The following FRMD3 variants were observed in gnomAD, a reference collection of about 807,000 sequenced individuals.
The protein encoded by FRMD3 is FERM domain containing 3, also known as FERM domain-containing protein 3.
A neutral mutation model predicts 70.2 loss-of-function variants in FRMD3; 33 were observed. That is an observed-to-expected ratio of 0.47 (90% CI 0.36 to 0.63). The LOEUF (loss-of-function observed/expected upper bound fraction) is 0.63, where lower values mean the gene tolerates loss of function less well. Ranked by LOEUF, FRMD3 falls within the 20% of genes least tolerant of loss-of-function variation. The pLI is 0.00. For missense variants in FRMD3, 632 were observed against 711.4 expected (o/e 0.89, Z 1.27); for synonymous variants, 279 against 255.9 (o/e 1.09, Z -0.86).
At chr9:83,503,704 A>C (rs1427864125) in intron 1 of FRMD3, among the ~76,000 whole-genome samples, 1 of 152,196 alleles carries the variant, frequency 6.6e-6, no homozygotes, top group Non-Finnish European at 1.5e-5. Context: ...ACCAAGGCAG[A>C]ATCCAAAGGG....
At chr9:83,492,620 C>A (rs543543931) in intron 1 of FRMD3, among the ~76,000 whole-genome samples, 1 of 152,276 alleles carries the variant, frequency 6.6e-6, no homozygotes, top group Non-Finnish European at 1.5e-5. Context: ...GTCTGGCCAC[C>A]GGGGCCTCTG....
rs747089433 is a variant in FRMD3 at position 83,246,043 on chromosome 9, G to A, written c.*1875C>T. 1.0e-4 allele frequency: 101 copies of A among 985,220 alleles called. No individual in the cohort carries two copies. The highest frequency in any genetic ancestry group is 1.2e-4 in the Non-Finnish European group (98 of 829,912). The allele number at this position is 985,220 out of a possible 1,614,324, so 61.0% of individuals were successfully genotyped here. On this transcript the variant is annotated 3_prime_UTR_variant, in exon 14 of 14. Transcript: ENST00000304195. ...ATGGCAAATATATAGTCATTTGCTCGACTGCAGGCTTCACGAACTGAGTTT... is the reference window on the plus strand; with the variant it reads ...ATGGCAAATATATAGTCATTTGCTCAACTGCAGGCTTCACGAACTGAGTTT...
At chr9:83,524,716 C>T (rs1240367615) in intron 1 of FRMD3, among the ~76,000 whole-genome samples, 1 of 152,176 alleles carries the variant, frequency 6.6e-6, no homozygotes, top group Admixed American at 6.5e-5. Context: ...TATAACATCT[C>T]TGTTTAAATC....
intron 1 of FRMD3, among the ~76,000 whole-genome samples, chr9:83,415,510 T>C (rs1018501378): frequency 2.0e-5 from 3 of 148,672 alleles, no homozygotes; most frequent in Non-Finnish European, 4.4e-5. Flanking sequence ...TGGCGCGATC[T>C]CGGCTCACTC....
intron 1 of FRMD3, among the ~76,000 whole-genome samples, chr9:83,447,272 C>A (rs547574281): frequency 6.6e-6 from 1 of 152,208 alleles, no homozygotes; most frequent in African/African-American, 2.4e-5. Flanking sequence ...ATCTGCCCAC[C>A]TCGGCCTCCC....
chr9:83,440,065 G>A (rs1222004111), intron 1 of FRMD3, among the ~76,000 whole-genome samples: 1 of 152,128 alleles, frequency 6.6e-6, no homozygotes, highest in Non-Finnish European at 1.5e-5. Flanking sequence ...AAGAAGTCTT[G>A]GGCATCAGTA....
chr9:83,348,252 C>G (rs1433887926), intron 4 of FRMD3, among the ~76,000 whole-genome samples: 5 of 152,088 alleles, frequency 3.3e-5, no homozygotes, highest in Non-Finnish European at 7.4e-5. Flanking sequence ...TCTCTCTTCT[C>G]TCTCTCTCTC....
chr9:83,328,794 A>C (rs1836128504), intron 6 of FRMD3, among the ~76,000 whole-genome samples: 1 of 152,182 alleles, frequency 6.6e-6, no homozygotes. Context: ...GATGGATGGA[A>C]AGATGCATGG....
intron 1 of FRMD3, among the ~76,000 whole-genome samples, chr9:83,517,494 C>CAAAAAAAAAAAA (rs59178344): frequency 1.5e-5 from 1 of 65,520 alleles, no homozygotes; most frequent in Non-Finnish European, 2.7e-5. Context: ...CCTACCAATC[C>CAAAAAAAAAAAA]AAAAAAAAAA....
intron 13 of FRMD3, among the ~76,000 whole-genome samples, chr9:83,254,399 C>A (rs1279062249): frequency 1.3e-5 from 2 of 151,184 alleles, no homozygotes; most frequent in South Asian, 2.1e-4. Context: ...ATTCCAAATA[C>A]CTTTCACTTA....
intron 1 of FRMD3, among the ~76,000 whole-genome samples, chr9:83,476,330 G>T (rs911123189): frequency 6.7e-6 from 1 of 149,890 alleles, no homozygotes; most frequent in African/African-American, 2.5e-5. Flanking sequence ...GTTGCAGTGA[G>T]CCAAGATCAC....
rs1172360365 is a variant in FRMD3 at position 83,526,121 on chromosome 9, T to TC, written c.147+11963dup. Among the ~76,000 whole-genome samples the TC allele has an allele frequency of 3.9e-5, 6 of 152,158 alleles. No homozygotes were observed. The South Asian group carries it at 8.3e-4, about 21-fold the overall frequency. ...ACCCAAAATGGAACTCATTCTCTGT[T>TC]CCCCCAACCTGCTTCTCCTCTAGTC... On this transcript the variant is annotated intron_variant, in intron 1 of 13. Coordinates refer to ENST00000304195, the MANE Select transcript of FRMD3 (RefSeq NM_174938.6).
chr9:83,343,297 A>G lies in FRMD3; in HGVS notation c.375-10T>C, dbSNP rs201351610. 80 of 1,577,910 alleles carry G rather than the reference A, an allele frequency of 5.1e-5. No homozygotes were observed. The highest frequency in any genetic ancestry group is 6.6e-5 in the Non-Finnish European group (76 of 1,147,108). ...AAGGTATAAAAGGTATCTGCAATAC[A>G]AAAGGAGAAATGGTCACTCTAACTT... On this transcript the variant is annotated splice_polypyrimidine_tract_variant and intron_variant, in intron 4 of 13. Transcript: ENST00000304195.
At chr9:83,269,649 CA>C (rs1763346785) in intron 13 of FRMD3, among the ~76,000 whole-genome samples, 1 of 151,740 alleles carries the variant, frequency 6.6e-6, no homozygotes, top group East Asian at 1.9e-4. Context: ...GCGGAGGTTG[CA>C]GCAAGCCGAG....
intron 13 of FRMD3, among the ~76,000 whole-genome samples, chr9:83,255,075 G>A (rs560079302): frequency 1.1e-4 from 16 of 152,042 alleles, no homozygotes; most frequent in Middle Eastern, 3.4e-3. Context: ...GAGATACAAC[G>A]AAAAAAGTAA....
Position 83,457,326 on chromosome 9 carries a change from A to G in FRMD3, c.148-67618T>C, listed in dbSNP as rs4515625. Among the ~76,000 whole-genome samples, 1,069 of 152,290 alleles carry G rather than the reference A, an allele frequency of 7.0e-3. 12 individuals carry two copies. The highest frequency in any genetic ancestry group is 0.024 in the African/African-American group (1,006 of 41,548). On this transcript the variant is annotated intron_variant, in intron 1 of 13. Transcript: ENST00000304195. ...GATTTAGGCTGTATAGCATTCCTGG[A>G]CTTAACTGGTGAAAAAGATGAAGAA...
chr9:83,390,187 G>A (rs1825628681), intron 1 of FRMD3, among the ~76,000 whole-genome samples: 1 of 152,196 alleles, frequency 6.6e-6, no homozygotes, highest in Admixed American at 6.5e-5. Flanking sequence ...GAGCCACAAA[G>A]AGGTTCAGTG....
chr9:83,363,837 A>G (rs934224529), intron 3 of FRMD3, among the ~76,000 whole-genome samples: 2 of 152,172 alleles, frequency 1.3e-5, no homozygotes, highest in East Asian at 3.9e-4. Context: ...TACAGGCGTG[A>G]GTCACTGCGC....
chr9:83,338,564 T>C (rs1379609233), intron 5 of FRMD3, among the ~76,000 whole-genome samples: 3 of 152,112 alleles, frequency 2.0e-5, no homozygotes, highest in Non-Finnish European at 2.9e-5. Context: ...CAAAATAAGA[T>C]GTACGTATGC....
Sources: allele counts gnomAD v4.1 joint callset (sites outside exome capture counted in the v4.1 genomes callset), GRCh38; gene constraint gnomAD v4.1.1; transcripts MANE v1.5; gene names NCBI Gene and HGNC (gene_info 2026-07-23, HGNC 2026-07-21).